The following SHOC2 variants were observed in gnomAD, a reference collection of about 807,000 sequenced individuals.
SHOC2 encodes leucine-rich repeat protein SHOC-2.
A neutral mutation model predicts 50.2 loss-of-function variants in SHOC2; 4 were observed. That is an observed-to-expected ratio of 0.08 (90% CI 0.04 to 0.18). The LOEUF is 0.18. Among genes scored for constraint, SHOC2 ranks in the 10% least tolerant of loss-of-function variants. The pLI, the probability that SHOC2 is intolerant of heterozygous loss-of-function variation, is 1.00. For missense variants in SHOC2, 388 were observed against 669.6 expected (o/e 0.58, Z 4.64); for synonymous variants, 218 against 244.5 (o/e 0.89, Z 1.01).
intron 3 of SHOC2, among the ~76,000 whole-genome samples, chr10:110,988,376 A>T (rs1422465919): frequency 1.3e-5 from 2 of 152,278 alleles, no homozygotes; most frequent in African/African-American, 2.4e-5. Flanking sequence ...CAATTACTTT[A>T]ATAAATATAG....
intron 1 of SHOC2, among the ~76,000 whole-genome samples, chr10:110,944,140 T>C (rs180815604): frequency 1.2e-4 from 19 of 152,334 alleles, no homozygotes; most frequent in Admixed American, 5.2e-4. Context: ...ATCTGAAATG[T>C]GACATGTTAC....
intron 2 of SHOC2, among the ~76,000 whole-genome samples, chr10:110,975,125 A>G (rs557324659): frequency 3.3e-5 from 5 of 152,034 alleles, no homozygotes; most frequent in Non-Finnish European, 7.4e-5. Context: ...TTTTTCCACT[A>G]ACGTCCATTT....
chr10:110,950,642 C>T (rs1384303505), intron 1 of SHOC2, among the ~76,000 whole-genome samples: 1 of 152,038 alleles, frequency 6.6e-6, no homozygotes, highest in Non-Finnish European at 1.5e-5. Flanking sequence ...CCTAGTAATC[C>T]AAACAGTGTG....
chr10:110,965,488 C>G lies in SHOC2; in HGVS notation c.703+427C>G, dbSNP rs759717561. Among the ~76,000 whole-genome samples, 90 of 152,254 alleles carry G rather than the reference C, an allele frequency of 5.9e-4. 2 individuals are homozygous for G. The highest frequency in any genetic ancestry group is 3.9e-4 in the East Asian group (2 of 5,182). ...AAGATGTTTAAATTCACATCACTTT[C>G]TACCTAATTTACCACAAAAGGTTGA... On this transcript the variant is annotated intron_variant, in intron 2 of 8. Transcript: ENST00000369452.
At chr10:110,961,998 G>T (rs1847580955) in intron 1 of SHOC2, among the ~76,000 whole-genome samples, 1 of 151,836 alleles carries the variant, frequency 6.6e-6, no homozygotes, top group Non-Finnish European at 1.5e-5. Flanking sequence ...CTAAAATTTT[G>T]ATTCAGTGAT....
intron 2 of SHOC2, among the ~76,000 whole-genome samples, chr10:110,982,552 C>G (rs1440369711): frequency 6.6e-6 from 1 of 151,980 alleles, no homozygotes; most frequent in African/African-American, 2.4e-5. Flanking sequence ...GCCATTCTAA[C>G]TGGTGTGAGA....
intron 1 of SHOC2, among the ~76,000 whole-genome samples, chr10:110,954,814 G>A (rs1482731310): frequency 6.6e-6 from 1 of 152,116 alleles, no homozygotes; most frequent in Non-Finnish European, 1.5e-5. Flanking sequence ...TGAAGACTGA[G>A]GAAGAACATT....
In SHOC2 at chr10:111,013,428, G is replaced by A. The variant is rs936915996; in HGVS notation, c.*1610G>A. The A allele has an allele frequency of 1.3e-5, 2 of 151,718 alleles. No individual in the cohort carries two copies. Among genetic ancestry groups the A allele is most frequent in the African/African-American group, 4.8e-5 (2 of 41,296 alleles). 9.4% of individuals were successfully genotyped at this position (151,718 alleles called of 1,614,324 possible). Reference sequence around the variant, plus strand: ...TGCTTTTCCTGGCACTCAAATTCATGACTAGTTTTGAGGTCAAACCTATGT... The same window carrying A: ...TGCTTTTCCTGGCACTCAAATTCATAACTAGTTTTGAGGTCAAACCTATGT... On this transcript the variant is annotated 3_prime_UTR_variant, in exon 9 of 9. Coordinates refer to ENST00000369452, the MANE Select transcript of SHOC2 (RefSeq NM_007373.4).
upstream of SHOC2, chr10:110,919,406 C>G: frequency 2.5e-6 from 1 of 392,450 alleles, no homozygotes; most frequent in East Asian, 3.6e-5. Flanking sequence ...GCTGGCGGCA[C>G]TGCCCGTCTC....
chr10:110,987,454 C>T (rs1848100563), intron 3 of SHOC2, among the ~76,000 whole-genome samples: 1 of 152,102 alleles, frequency 6.6e-6, no homozygotes, highest in Non-Finnish European at 1.5e-5. Context: ...TGGCCCATGA[C>T]ACTATCGTAT....
At chr10:110,961,271 G>A (rs951772003) in intron 1 of SHOC2, among the ~76,000 whole-genome samples, 1 of 152,146 alleles carries the variant, frequency 6.6e-6, no homozygotes, top group African/African-American at 2.4e-5. Context: ...CCAAAACATA[G>A]TGGAGTTGAA....
chr10:110,989,624 TTC>T (rs1454786340), intron 3 of SHOC2, among the ~76,000 whole-genome samples: 1 of 152,328 alleles, frequency 6.6e-6, no homozygotes, highest in African/African-American at 2.4e-5. Flanking sequence ...CCAGTCCATT[TTC>T]TTTTTTCCCC....
chr10:110,950,358 T>G (rs969011973), intron 1 of SHOC2, among the ~76,000 whole-genome samples: 1 of 152,006 alleles, frequency 6.6e-6, no homozygotes, highest in African/African-American at 2.4e-5. Context: ...GATAAAACAT[T>G]GATGAAAGAA....
intron 2 of SHOC2, among the ~76,000 whole-genome samples, chr10:110,969,158 A>G (rs1482518797): frequency 6.6e-6 from 1 of 152,206 alleles, no homozygotes; most frequent in Non-Finnish European, 1.5e-5. Context: ...ATAGACAAAT[A>G]AAGTAAGTGT....
At chr10:110,994,351 C>G (rs888179579) in intron 3 of SHOC2, among the ~76,000 whole-genome samples, 1 of 152,100 alleles carries the variant, frequency 6.6e-6, no homozygotes, top group Non-Finnish European at 1.5e-5. Flanking sequence ...CTATTCTTCA[C>G]TCTTAGTGGA....
At chr10:110,946,737 G>A (rs1384851710) in intron 1 of SHOC2, among the ~76,000 whole-genome samples, 25 of 152,126 alleles carry the variant, frequency 1.6e-4, no homozygotes, top group Admixed American at 1.6e-3. Flanking sequence ...ACCTAGCGGG[G>A]AGAGTTGGAG....
chr10:110,977,406 C>T lies in SHOC2; in HGVS notation c.704-8222C>T, dbSNP rs561676309. ...GATTAGAAGCATGCACCACCACACCCGGCTAATTTTGTGTTTTTAGTAGAG... is the reference window on the plus strand; with the variant it reads ...GATTAGAAGCATGCACCACCACACCTGGCTAATTTTGTGTTTTTAGTAGAG... On this transcript the variant is annotated intron_variant, in intron 2 of 8. Coordinates refer to ENST00000369452, the MANE Select transcript of SHOC2 (RefSeq NM_007373.4). 3.7e-3 allele frequency among the ~76,000 whole-genome samples: 570 copies of T among 152,174 alleles called. 3 individuals carry two copies. Among genetic ancestry groups the T allele is most frequent in the African/African-American group, 0.013 (547 of 41,514 alleles).
intron 8 of SHOC2, among the ~76,000 whole-genome samples, chr10:111,010,357 T>C (rs1590839917): frequency 6.6e-6 from 1 of 151,890 alleles, no homozygotes; most frequent in African/African-American, 2.4e-5. Context: ...ATTAAGGTAA[T>C]TAAATGTTAG....
chr10:110,934,158 G>A (rs1017943390), intron 1 of SHOC2, among the ~76,000 whole-genome samples: 4 of 152,136 alleles, frequency 2.6e-5, no homozygotes, highest in South Asian at 2.1e-4. Flanking sequence ...TTGGAACTAC[G>A]TATAAAAATT....
Sources: gnomAD v4.1 joint callset for allele counts (sites outside exome capture counted in the v4.1 genomes callset) on GRCh38, gnomAD v4.1.1 for gene constraint, MANE v1.5 for transcripts, NCBI Gene and HGNC (gene_info 2026-07-23, HGNC 2026-07-21) for gene names.